R3HDM1: variants seen among roughly 807,000 people sequenced by gnomAD.
R3HDM1 encodes the protein R3H domain containing 1.
R3HDM1 carries 46 observed loss-of-function variants against 141.1 expected under a neutral mutation model. That is an observed-to-expected ratio of 0.33 (90% CI 0.26 to 0.42). The LOEUF (loss-of-function observed/expected upper bound fraction) is 0.42. Among genes scored for constraint, R3HDM1 ranks in the 10% least tolerant of loss-of-function variants. The pLI, the probability that R3HDM1 is intolerant of heterozygous loss-of-function variation, is 1.00. For synonymous variants in R3HDM1, 435 were observed against 472.9 expected (o/e 0.92, Z 1.04); for missense variants, 1,184 against 1,368.3 (o/e 0.87, Z 2.12).
chr2:135,668,661 A>C (rs2067880641), intron 19 of R3HDM1, among the ~76,000 whole-genome samples: 1 of 152,190 alleles, frequency 6.6e-6, no homozygotes. Context: ...TGGATGGAAA[A>C]AAGTCATTGC....
rs1559418087 is a variant in R3HDM1, at chr2:135,680,247, T to G, written c.2382T>G (p.Ser794=). The G allele has an allele frequency of 1.9e-6, 3 of 1,613,702 alleles. No individual in the cohort carries two copies. Among genetic ancestry groups the G allele is most frequent in the African/African-American group, 1.3e-5 (1 of 74,914 alleles). Residue 794 remains serine, a synonymous_variant, in exon 21 of 27, where the codon TCT becomes TCG. Transcript: ENST00000683871. The part of the protein sequence containing the change: ...YQQPVMFPNQ[S]NQGSMPTTGM... ...AGCCTGTTATGTTCCCTAATCAGTC[T>G]AATCAAGGATCTATGCCCACAACAG...
At chr2:135,622,047 A>T in intron 6 of R3HDM1, 1 of 984,344 alleles carries the variant, frequency 1.0e-6, no homozygotes, top group Non-Finnish European at 1.2e-6. Flanking sequence ...AGCATTGCAG[A>T]TCAATAGAAA....
chr2:135,634,850 A>G (rs1318451942), intron 9 of R3HDM1, among the ~76,000 whole-genome samples: 8 of 152,230 alleles, frequency 5.3e-5, no homozygotes, highest in African/African-American at 1.9e-4. Flanking sequence ...TCATATTTCA[A>G]AAGAATAATT....
intron 21 of R3HDM1, among the ~76,000 whole-genome samples, chr2:135,698,993 A>C (rs1196087550): frequency 1.0e-5 from 1 of 98,844 alleles, no homozygotes; most frequent in African/African-American, 4.0e-5. Context: ...ATAGATAGAT[A>C]GATAGATAGA....
intron 21 of R3HDM1, among the ~76,000 whole-genome samples, chr2:135,708,238 TA>T (rs1461424272): frequency 6.6e-6 from 1 of 152,214 alleles, no homozygotes; most frequent in Non-Finnish European, 1.5e-5. Flanking sequence ...ATATTGAGGT[TA>T]ATTCATTAAT....
chr2:135,537,566 G>A (rs547535303), intron 1 of R3HDM1, among the ~76,000 whole-genome samples: 6 of 151,550 alleles, frequency 4.0e-5, no homozygotes, highest in East Asian at 3.9e-4. Flanking sequence ...GATTACAGGC[G>A]TGAGCCACCA....
At chr2:135,593,439 G>C (rs1462955614) in intron 1 of R3HDM1, among the ~76,000 whole-genome samples, 1 of 152,142 alleles carries the variant, frequency 6.6e-6, no homozygotes, top group Non-Finnish European at 1.5e-5. Flanking sequence ...TAATGGCCCT[G>C]ACTTTCTTGC....
intron 1 of R3HDM1, among the ~76,000 whole-genome samples, chr2:135,557,755 C>G (rs1190493486): frequency 6.6e-6 from 1 of 152,208 alleles, no homozygotes; most frequent in Non-Finnish European, 1.5e-5. Context: ...CATGTTCTCA[C>G]TCCTGGGGCT....
At chr2:135,547,197 A>G (rs1559097815) in intron 1 of R3HDM1, among the ~76,000 whole-genome samples, 1 of 152,076 alleles carries the variant, frequency 6.6e-6, no homozygotes, top group East Asian at 1.9e-4. Flanking sequence ...ACTTAACTAC[A>G]TTTCTAAAAT....
At chr2:135,615,808 AAT>A (rs1446145681) in intron 3 of R3HDM1, among the ~76,000 whole-genome samples, 3 of 152,208 alleles carry the variant, frequency 2.0e-5, no homozygotes, top group African/African-American at 7.2e-5. Context: ...GCTAAACTAT[AAT>A]ATGTTGTAAA....
intron 21 of R3HDM1, among the ~76,000 whole-genome samples, chr2:135,682,152 TTGA>T (rs959336399): frequency 2.0e-5 from 3 of 150,544 alleles, no homozygotes; most frequent in Non-Finnish European, 4.4e-5. Flanking sequence ...AGTGAGAAAA[TTGA>T]TGATTTATCT....
chr2:135,655,988 A>T (rs1470620571), intron 18 of R3HDM1, among the ~76,000 whole-genome samples: 3 of 152,112 alleles, frequency 2.0e-5, no homozygotes, highest in African/African-American at 7.2e-5. Context: ...TGAGCATGGG[A>T]TGTTTTTTCG....
chr2:135,667,629 A>G, intron 19 of R3HDM1: 1 of 974,794 alleles, frequency 1.0e-6, no homozygotes, highest in Non-Finnish European at 1.2e-6. Flanking sequence ...AGAATAATTT[A>G]TGTGGTAGCC....
chr2:135,554,048 C>G lies in R3HDM1; in HGVS notation c.-250+22415C>G, dbSNP rs942494817. Among the ~76,000 whole-genome samples the G allele has an allele frequency of 2.0e-5, 3 of 152,198 alleles. No individual in the cohort carries two copies. The South Asian group carries it at 6.2e-4, about 32-fold the overall frequency. ...TAATTCGTGTACTGTAAAATTAACC[C>G]TATTAAAGTGTACAGTTCATTCAGT... On this transcript the variant is annotated intron_variant, in intron 1 of 26. Coordinates refer to ENST00000683871, the MANE Select transcript of R3HDM1 (RefSeq NM_001378107.1).
chr2:135,637,520 C>T (rs573905110), intron 11 of R3HDM1, among the ~76,000 whole-genome samples: 63 of 152,128 alleles, frequency 4.1e-4, no homozygotes, highest in African/African-American at 1.3e-3. Flanking sequence ...TGATGGTGCA[C>T]GTCTGTAGTC....
intron 5 of R3HDM1, among the ~76,000 whole-genome samples, chr2:135,617,844 G>A (rs1329370393): frequency 6.6e-6 from 1 of 152,052 alleles, no homozygotes. Flanking sequence ...CAATTTTGTG[G>A]TTATTTAAGA....
intron 1 of R3HDM1, among the ~76,000 whole-genome samples, chr2:135,553,494 A>T (rs1463313442): frequency 1.3e-5 from 2 of 152,232 alleles, no homozygotes; most frequent in Non-Finnish European, 2.9e-5. Context: ...TAGCAGTTGC[A>T]GAAATCAGGG....
At chr2:135,713,281 T>TATAAATTATATAG (rs1259731316) in intron 23 of R3HDM1, among the ~76,000 whole-genome samples, 1 of 152,092 alleles carries the variant, frequency 6.6e-6, no homozygotes, top group African/African-American at 2.4e-5. Context: ...CAGATGAAAA[T>TATAAATTATATAG]ATAAAACTAC....
At chr2:135,667,721 C>T in intron 19 of R3HDM1, 1 of 981,478 alleles carries the variant, frequency 1.0e-6, no homozygotes, top group Non-Finnish European at 1.2e-6. Flanking sequence ...TAGAAATCTA[C>T]TTCTCCTTCC....
Sources: allele counts gnomAD v4.1 joint callset (sites outside exome capture counted in the v4.1 genomes callset), GRCh38; gene constraint gnomAD v4.1.1; transcripts MANE v1.5; gene names NCBI Gene and HGNC (gene_info 2026-07-23, HGNC 2026-07-21).